Variants in DPY19L4 observed in about 807,000 individuals in gnomAD.
DPY19L4 encodes the protein dpy-19 like 4, also known as probable C-mannosyltransferase DPY19L4.
In DPY19L4, 97 loss-of-function variants were observed where a neutral mutation model predicts 102.8. That is an observed-to-expected ratio of 0.94 (90% CI 0.80 to 1.12). The LOEUF is 1.12. Ranked by LOEUF, DPY19L4 falls within the 50% of genes most tolerant of loss-of-function variation. The pLI is 0.00. For synonymous variants in DPY19L4, 252 were observed against 283.1 expected, an observed-to-expected ratio of 0.89 and a Z score of 1.10; for missense variants, 815 against 850.4, an observed-to-expected ratio of 0.96 and a Z score of 0.52.
At chr8:94,726,518 T>A in intron 2 of DPY19L4, 77 bp downstream of exon 2, 1 of 1,175,076 alleles carries the variant, frequency 8.5e-7, no homozygotes, top group Non-Finnish European at 1.2e-6. Context: ...GTCAATATTT[T>A]AAATATACAT....
At chr8:94,779,450 G>A (rs957213138) in intron 14 of DPY19L4, among the ~76,000 whole-genome samples, 1 of 151,586 alleles carries the variant, frequency 6.6e-6, no homozygotes, top group African/African-American at 2.4e-5. Flanking sequence ...ATCCTCCTGA[G>A]TAGCTGGGAC....
chr8:94,734,313 C>T (rs759668702), intron 2 of DPY19L4, among the ~76,000 whole-genome samples: 40 of 152,170 alleles, frequency 2.6e-4, no homozygotes, highest in Non-Finnish European at 5.0e-4. Flanking sequence ...TCCCAAAGTG[C>T]CACCATGCCC....
At chr8:94,758,005 G>A (rs917820926) in intron 7 of DPY19L4, among the ~76,000 whole-genome samples, 1 of 151,970 alleles carries the variant, frequency 6.6e-6, no homozygotes, top group Non-Finnish European at 1.5e-5. Context: ...CCAGCTACTT[G>A]GGAGGCTGAG....
chr8:94,758,096 G>A (rs1812241948), intron 7 of DPY19L4, among the ~76,000 whole-genome samples: 1 of 152,030 alleles, frequency 6.6e-6, no homozygotes, highest in Admixed American at 6.6e-5. Context: ...GAGCAACAGA[G>A]TAAGACTCCA....
intron 17 of DPY19L4, among the ~76,000 whole-genome samples, chr8:94,786,382 C>G (rs1213386649): frequency 6.6e-6 from 1 of 152,048 alleles, no homozygotes; most frequent in East Asian, 1.9e-4. Flanking sequence ...ACCCCTGCCT[C>G]CCAAAGTGCT....
chr8:94,760,843 A>G (rs972439851), intron 7 of DPY19L4, among the ~76,000 whole-genome samples: 5 of 152,220 alleles, frequency 3.3e-5, no homozygotes, highest in Non-Finnish European at 7.3e-5. Context: ...GGGAGATGAC[A>G]TTTTGAAGGA....
chr8:94,742,208 A>T (rs1000069688), intron 6 of DPY19L4, among the ~76,000 whole-genome samples: 16 of 152,148 alleles, frequency 1.1e-4, no homozygotes, highest in African/African-American at 2.2e-4. Flanking sequence ...AATACAAAAA[A>T]TTAGCCAAGT....
At position 94,770,524 on chromosome 8, in the gene DPY19L4, T is replaced by A; in HGVS notation, c.1407T>A (p.His469Gln). The A allele has an allele frequency of 6.2e-7, 1 of 1,613,928 alleles. No homozygotes were observed. The highest frequency in any genetic ancestry group is 8.5e-7 in the Non-Finnish European group (1 of 1,179,906). The stretch of plus-strand genomic sequence containing the variant: ...GAGAAAGACCAGAAATAATTTATCA[T>A]GTAATTCACACTATTTTATTGGGTT... Reference protein sequence around the residue: ...RIGERPEIIYHVIHTILLGSL... With the variant: ...RIGERPEIIYQVIHTILLGSL... Residue 469 changes from histidine to glutamine, a missense_variant, in exon 13 of 19, where the codon CAT becomes CAA. By Grantham distance (24) the His-to-Gln change is conservative. Coordinates refer to ENST00000414645, the MANE Select transcript of DPY19L4 (RefSeq NM_181787.3).
At chr8:94,731,256 A>G (rs1298637480) in intron 2 of DPY19L4, among the ~76,000 whole-genome samples, 1 of 152,112 alleles carries the variant, frequency 6.6e-6, no homozygotes, top group Non-Finnish European at 1.5e-5. Context: ...TACTTTTCTT[A>G]CTAGTTTTTA....
At chr8:94,780,545 T>A in intron 15 of DPY19L4, 130 bp downstream of exon 15, 1 of 599,480 alleles carries the variant, frequency 1.7e-6, no homozygotes, top group Non-Finnish European at 2.5e-6. Flanking sequence ...TTCTTAGTAA[T>A]GCTTAATTTT....
chr8:94,768,004 T>G (rs1370560003), intron 11 of DPY19L4, among the ~76,000 whole-genome samples: 1 of 152,178 alleles, frequency 6.6e-6, no homozygotes, highest in Non-Finnish European at 1.5e-5. Context: ...TTGGCCACAT[T>G]TCAGCTGTTT....
At chr8:94,740,998 A>G (rs1811422436) in intron 6 of DPY19L4, among the ~76,000 whole-genome samples, 1 of 152,142 alleles carries the variant, frequency 6.6e-6, no homozygotes, top group East Asian at 1.9e-4. Context: ...TGAAGAGACT[A>G]AGTCTTGTTG....
chr8:94,748,835 A>G (rs914361899), intron 6 of DPY19L4, among the ~76,000 whole-genome samples: 4 of 152,154 alleles, frequency 2.6e-5, no homozygotes, highest in Admixed American at 2.0e-4. Flanking sequence ...CTAATGCCTG[A>G]TGATCTGAGG....
In DPY19L4 at chr8:94,790,857, A is replaced by G. The variant is rs1436971142; in HGVS notation, c.*947A>G. On this transcript the variant is annotated 3_prime_UTR_variant, in exon 19 of 19. Coordinates refer to ENST00000414645, the MANE Select transcript of DPY19L4 (RefSeq NM_181787.3). ...CAGATGTTGTTAAACGTACCTCTGCATACAGATATATTATAAAACACAAGC... is the reference window on the plus strand; with the variant it reads ...CAGATGTTGTTAAACGTACCTCTGCGTACAGATATATTATAAAACACAAGC... 1 of 152,176 alleles carries G rather than the reference A, an allele frequency of 6.6e-6. No individual in the cohort carries two copies. The highest frequency in any genetic ancestry group is 1.5e-5 in the Non-Finnish European group (1 of 67,964). The allele number at this position is 152,176 out of a possible 1,614,324, so 9.4% of individuals were successfully genotyped here.
chr8:94,788,351 G>A (rs919093987), intron 18 of DPY19L4, among the ~76,000 whole-genome samples: 18 of 151,834 alleles, frequency 1.2e-4, no homozygotes, highest in Non-Finnish European at 1.0e-4. Context: ...ACAAAAGATG[G>A]CATAATTTGA....
intron 14 of DPY19L4, among the ~76,000 whole-genome samples, chr8:94,778,965 A>G (rs889918250): frequency 3.3e-5 from 5 of 152,174 alleles, no homozygotes; most frequent in African/African-American, 7.2e-5. Flanking sequence ...GCTGGCTCTC[A>G]TGCTGTCAGC....
At chr8:94,783,600 T>C in intron 16 of DPY19L4, 70 bp from the exon 17 acceptor site, 1 of 1,525,084 alleles carries the variant, frequency 6.6e-7, no homozygotes, top group Non-Finnish European at 8.8e-7. Flanking sequence ...TATTTCAGAG[T>C]TGATATAGAT....
At chr8:94,738,210 C>G (rs1009770402) in intron 3 of DPY19L4, among the ~76,000 whole-genome samples, 159 bp from the exon 4 acceptor site, 1 of 147,480 alleles carries the variant, frequency 6.8e-6, no homozygotes, top group African/African-American at 2.5e-5. Context: ...CCCAGCTACT[C>G]GGGAGGCTGA....
At chr8:94,771,163 C>T (rs150741955) in intron 13 of DPY19L4, among the ~76,000 whole-genome samples, 5,255 of 152,170 alleles carry the variant, frequency 0.035, 111 homozygotes, top group Admixed American at 0.04. Flanking sequence ...TATCTGCCCA[C>T]CTTGGCCTCC....
Sources: gnomAD v4.1 joint callset for allele counts (sites outside exome capture counted in the v4.1 genomes callset) on GRCh38, gnomAD v4.1.1 for gene constraint, MANE v1.5 for transcripts, NCBI Gene and HGNC (gene_info 2026-07-23, HGNC 2026-07-21) for gene names.